NLRC4: variants seen among roughly 807,000 people sequenced by gnomAD.
NLRC4 encodes NLR family CARD domain containing 4.
NLRC4 carries 63 observed loss-of-function variants against 79.9 expected under a neutral mutation model. The ratio of observed to expected loss-of-function variants is 0.79; its 90% CI spans 0.64 to 0.97. NLRC4 has a LOEUF of 0.97. Among genes scored for constraint, NLRC4 ranks in the 50% least tolerant of loss-of-function variants. The probability of loss-of-function intolerance (pLI) is 0.00; values close to 1 mark genes in which losing one functional copy is unlikely to be tolerated. For missense variants in NLRC4, 1,074 were observed against 1,215.2 expected (o/e 0.88, Z 1.73); for synonymous variants, 461 against 456.5 (o/e 1.01, Z -0.12).
chr2:32,234,361 G>C (rs1203009716), intron 8 of NLRC4, among the ~76,000 whole-genome samples: 1 of 151,586 alleles, frequency 6.6e-6, no homozygotes, highest in Non-Finnish European at 1.5e-5. Flanking sequence ...CAGCCTGGGC[G>C]ACAGAGCAAG....
intron 4 of NLRC4, among the ~76,000 whole-genome samples, chr2:32,243,131 C>A (rs1686845247): frequency 6.6e-6 from 1 of 151,970 alleles, no homozygotes; most frequent in Non-Finnish European, 1.5e-5. Context: ...AAAATTGAGG[C>A]TGGGCGAGGT....
At position 32,251,595 on chromosome 2, in the gene NLRC4, A is replaced by G; in HGVS notation, c.269T>C (p.Phe90Ser). Residue 90 changes from phenylalanine (F) to serine (S), a missense_variant, in exon 4 of 9, where the codon TTT becomes TCT. Phe to Ser is a radical substitution (Grantham distance 155). Transcript: ENST00000402280. ...LFQDLNGQSL[F>S]HQTSEGDLDD... The stretch of plus-strand genomic sequence containing the variant: ...CAAGTCTCCTTCTGATGTCTGATGA[A>G]AAAGACCTATTAGAGAAGAGGTGAT... The G allele has an allele frequency of 6.3e-7, 1 of 1,590,396 alleles. No homozygotes were observed. The highest frequency in any genetic ancestry group is 8.6e-7 in the Non-Finnish European group (1 of 1,168,872).
intron 8 of NLRC4, among the ~76,000 whole-genome samples, chr2:32,233,349 ATT>A (rs1176305976): frequency 8.4e-3 from 343 of 41,010 alleles, no homozygotes; most frequent in East Asian, 0.012. Context: ...ATATATATAT[ATT>A]TTTTTTTTTT....
chr2:32,242,041 A>G (rs1245267671), intron 4 of NLRC4, among the ~76,000 whole-genome samples: 2 of 152,168 alleles, frequency 1.3e-5, no homozygotes, highest in South Asian at 2.1e-4. Context: ...TGCCTTTATT[A>G]TACAAATTAA....
intron 8 of NLRC4, among the ~76,000 whole-genome samples, chr2:32,233,345 ATATATTTTT>A (rs1424191570): frequency 6.7e-4 from 43 of 63,740 alleles, no homozygotes; most frequent in South Asian, 4.1e-3. Context: ...ATATATATAT[ATATATTTTT>A]TTTTTTTTTT....
At chr2:32,246,252 A>G (rs1308436810) in intron 4 of NLRC4, among the ~76,000 whole-genome samples, 1 of 152,184 alleles carries the variant, frequency 6.6e-6, no homozygotes, top group Non-Finnish European at 1.5e-5. Context: ...AATTATAAAC[A>G]CCATATAGGC....
At chr2:32,225,207 T>G (rs958409812) in intron 8 of NLRC4, among the ~76,000 whole-genome samples, 1 of 152,182 alleles carries the variant, frequency 6.6e-6, no homozygotes, top group Admixed American at 6.5e-5. Context: ...AACTGTAAAC[T>G]TGAGTAAGTG....
chr2:32,252,576 G>A lies in NLRC4; in HGVS notation c.105C>T (p.Arg35=), dbSNP rs751915363. 44 of 1,613,968 alleles carry A rather than the reference G, an allele frequency of 2.7e-5. No individual in the cohort carries two copies. In the South Asian group the frequency reaches 4.0e-4, roughly 14 times the overall value. Residue 35 remains arginine, a synonymous_variant, in exon 3 of 9, where the codon CGC becomes CGT. Transcript: ENST00000402280. ...CGCAGCAAATGATGTTTACTTCTTC[G>A]CGATTCAGAACATTCCATACAAATA... ...DDLFVWNVLN[R]EEVNIICCEK... is the part of the protein sequence containing the mutation.
chr2:32,230,840 G>C (rs779378924), intron 8 of NLRC4, among the ~76,000 whole-genome samples: 29 of 152,088 alleles, frequency 1.9e-4, no homozygotes, highest in Non-Finnish European at 4.0e-4. Context: ...TGAACAACTT[G>C]CCAGAATGTT....
intron 8 of NLRC4, among the ~76,000 whole-genome samples, chr2:32,233,154 AAGGAAGG>A (rs1686581559): frequency 1.6e-5 from 1 of 61,088 alleles, no homozygotes; most frequent in Admixed American, 1.6e-4. Flanking sequence ...GGAAGGAAGG[AAGGAAGG>A]AAGGAAGGAA....
chr2:32,231,577 G>GGT (rs1289567567), intron 8 of NLRC4, among the ~76,000 whole-genome samples: 9 of 115,312 alleles, frequency 7.8e-5, no homozygotes, highest in Admixed American at 2.7e-4. Context: ...TTTTTTGTGG[G>GGT]GGGGGGGTGG....
intron 8 of NLRC4, among the ~76,000 whole-genome samples, chr2:32,234,588 T>C (rs961553198): frequency 6.6e-6 from 1 of 152,172 alleles, no homozygotes; most frequent in Non-Finnish European, 1.5e-5. Flanking sequence ...TTGGAATAAC[T>C]TGTGCAACCA....
At chr2:32,261,575 G>T (rs1687351968) in intron 1 of NLRC4, among the ~76,000 whole-genome samples, 1 of 149,828 alleles carries the variant, frequency 6.7e-6, no homozygotes, top group South Asian at 2.1e-4. Context: ...CTCCCAAAGT[G>T]CTGGGATTAC....
intron 4 of NLRC4, among the ~76,000 whole-genome samples, chr2:32,241,605 C>T (rs1686804246): frequency 2.0e-5 from 3 of 152,166 alleles, no homozygotes; most frequent in Admixed American, 2.0e-4. Flanking sequence ...GTCTCAATCT[C>T]CTGACCTCGT....
In NLRC4 at chr2:32,252,640, C is replaced by A. The variant is rs749572443; in HGVS notation, c.41G>T (p.Arg14Ile). 3 of 1,613,656 alleles carry A rather than the reference C, an allele frequency of 1.9e-6. No individual in the cohort carries two copies. The African/African-American group carries it at 4.0e-5, about 22-fold the overall frequency. ...TTGCTTTATAACAGTCATTCCCATT[C>A]TTTGAATAAGGGCTCGGCTATTGTC... ...IKDNSRALIQ[R>I]MGMTVIKQIT... The change falls in exon 3 of 9, where the codon AGA becomes ATA. Residue 14 changes from arginine to isoleucine, a missense_variant. Physicochemically the swap from Arg to Ile is moderately conservative, Grantham distance 97. Transcript: ENST00000402280.
In NLRC4 at chr2:32,250,125, T is replaced by G. The variant is rs1558456902; in HGVS notation, c.1739A>C (p.Gln580Pro). The G allele has an allele frequency of 6.2e-7, 1 of 1,614,158 alleles. No individual in the cohort carries two copies. Among genetic ancestry groups the G allele is most frequent in the Admixed American group, 1.7e-5 (1 of 60,008 alleles). The change falls in exon 4 of 9, where the codon CAA becomes CCA. Residue 580 changes from glutamine to proline, a missense_variant. Gln to Pro is a moderately conservative substitution (Grantham distance 76). Coordinates refer to ENST00000402280, the MANE Select transcript of NLRC4 (RefSeq NM_001199138.2). This position sits in a 1 kb window ranked among gnomAD's most constrained non-coding sequence, Gnocchi z 4.9. ...ALSQEFEAFF[Q>P]GKSLYINSGN... ...TGAGTTGATATATAAGCTTTTACCT[T>G]GAAAGAAAGCTTCAAATTCTTGGCT...
chr2:32,265,045 C>T (rs962632477), upstream of NLRC4, among the ~76,000 whole-genome samples: 5 of 151,956 alleles, frequency 3.3e-5, no homozygotes, highest in South Asian at 6.2e-4. Context: ...CTAGAAATTC[C>T]GTCAAGAAAG....
chr2:32,251,109 T>C lies in NLRC4; in HGVS notation c.755A>G (p.Glu252Gly). The C allele has an allele frequency of 6.2e-7, 1 of 1,614,170 alleles. No individual in the cohort carries two copies. Among genetic ancestry groups the C allele is most frequent in the Non-Finnish European group, 8.5e-7 (1 of 1,180,028 alleles). ...TTCTGGGCAGTTCTGGGGCTTGAATTCATTGTAGCCATCAAGAAGGAAAAG... is the reference window on the plus strand; with the variant it reads ...TTCTGGGCAGTTCTGGGGCTTGAATCCATTGTAGCCATCAAGAAGGAAAAG... Reference protein sequence around the residue: ...RVLFLLDGYNEFKPQNCPEIE... With the variant: ...RVLFLLDGYNGFKPQNCPEIE... The change falls in exon 4 of 9, where the codon GAA becomes GGA. Residue 252 changes from glutamate (E) to glycine (G), a missense_variant. By Grantham distance (98) the Glu-to-Gly change is moderately conservative. Coordinates refer to ENST00000402280, the MANE Select transcript of NLRC4 (RefSeq NM_001199138.2).
chr2:32,228,834 A>G (rs558132415), intron 8 of NLRC4, among the ~76,000 whole-genome samples: 11 of 151,472 alleles, frequency 7.3e-5, no homozygotes, highest in South Asian at 2.1e-4. Context: ...GTGCAATCTC[A>G]GCTCACTGCA....
Sources: gnomAD v4.1 joint callset for allele counts (sites outside exome capture counted in the v4.1 genomes callset) on GRCh38, gnomAD v4.1.1 for gene constraint, Gnocchi (gnomAD v3.1) non-coding constraint, MANE v1.5 for transcripts, NCBI Gene and HGNC (gene_info 2026-07-23, HGNC 2026-07-21) for gene names.